STPG2: variants seen among roughly 807,000 people sequenced by gnomAD.
STPG2 encodes sperm tail PG-rich repeat containing 2.
Under a neutral mutation model 54.2 loss-of-function variants are expected in STPG2, and 56 were observed. The observed-to-expected ratio is 1.03, with a 90% confidence interval of 0.83 to 1.29. STPG2 has a LOEUF of 1.29. Ranked by LOEUF, STPG2 falls within the 50% of genes most tolerant of loss-of-function variation. The pLI is 0.00. For synonymous variants in STPG2, 200 were observed against 181.8 expected (o/e 1.10, Z -0.81); for missense variants, 596 against 544.9 (o/e 1.09, Z -0.93).
chr4:97,707,203 T>C lies in STPG2; in HGVS notation c.1320+5496A>G, dbSNP rs568877060. Among the ~76,000 whole-genome samples, 7 of 152,220 alleles carry C rather than the reference T, an allele frequency of 4.6e-5. No homozygotes were observed. The South Asian group carries it at 1.5e-3, about 32-fold the overall frequency. Reference sequence around the variant, plus strand: ...GATAGGACCATGTGGAAATGATAAGTAAAATGTCTGAAGGCATTAACTAAA... The same window carrying C: ...GATAGGACCATGTGGAAATGATAAGCAAAATGTCTGAAGGCATTAACTAAA... On this transcript the variant is annotated intron_variant, in intron 10 of 10. Transcript: ENST00000295268.
At chr4:97,481,507 G>C (rs888835898) in intron 4 of STPG2, among the ~76,000 whole-genome samples, 29 of 151,314 alleles carry the variant, frequency 1.9e-4, no homozygotes, top group Non-Finnish European at 3.9e-4. Context: ...AGATTTATTA[G>C]GAATGTTAAA....
At chr4:97,929,730 T>C (rs894544703) in intron 8 of STPG2, among the ~76,000 whole-genome samples, 3 of 152,202 alleles carry the variant, frequency 2.0e-5, no homozygotes, top group African/African-American at 4.8e-5. Flanking sequence ...GGTTTTGTTT[T>C]ACTCTTGTAA....
At position 97,972,456 on chromosome 4, in the gene STPG2, G is replaced by T. The variant is rs745526590; in HGVS notation, c.773-16C>A. ...AATCCAGGACCTAAAATTATTAGAA[G>T]TATCATATATAAGAATAAGCATGCT... On this transcript the variant is annotated splice_polypyrimidine_tract_variant and intron_variant, in intron 6 of 10. Transcript: ENST00000295268. 9 of 1,417,158 alleles carry T rather than the reference G, an allele frequency of 6.4e-6. No homozygotes were observed. In the South Asian group the frequency reaches 1.2e-4, roughly 19 times the overall value. The allele number at this position is 1,417,158 out of a possible 1,614,324, so 87.8% of individuals were successfully genotyped here.
At chr4:97,541,719 T>G (rs1169509368) in intron 4 of STPG2, among the ~76,000 whole-genome samples, 1 of 152,136 alleles carries the variant, frequency 6.6e-6, no homozygotes, top group African/African-American at 2.4e-5. Flanking sequence ...GACTTCAAAC[T>G]ATACTACAAG....
chr4:97,828,644 C>A (rs1424578338), intron 9 of STPG2, among the ~76,000 whole-genome samples: 15 of 152,086 alleles, frequency 9.9e-5, no homozygotes, highest in African/African-American at 2.9e-4. Flanking sequence ...GATCCACTAG[C>A]CTGAAATTTT....
At chr4:97,508,438 A>G (rs2148838637) in intron 4 of STPG2, among the ~76,000 whole-genome samples, 1 of 152,208 alleles carries the variant, frequency 6.6e-6, no homozygotes, top group South Asian at 2.1e-4. Flanking sequence ...ATAGAAATCA[A>G]TCAATAAAAA....
At position 97,991,375 on chromosome 4, in the gene STPG2, ATG is replaced by A. The variant is rs1238489731; in HGVS notation, c.613-10059_613-10058del. On this transcript the variant is annotated intron_variant, in intron 5 of 10. Coordinates refer to ENST00000295268, the MANE Select transcript of STPG2 (RefSeq NM_174952.3). The stretch of plus-strand genomic sequence containing the variant: ...ATATGTGTGTGTGGTGTATATATAT[ATG>A]TATATATATGTGTATATATATGTGT... Among the ~76,000 whole-genome samples the A allele has an allele frequency of 1.1e-4, 16 of 150,556 alleles. No individual in the cohort carries two copies. The South Asian group carries it at 2.3e-3, about 22-fold the overall frequency.
At chr4:98,027,342 A>G (rs1369011952) in intron 5 of STPG2, among the ~76,000 whole-genome samples, 1 of 152,208 alleles carries the variant, frequency 6.6e-6, no homozygotes, top group Non-Finnish European at 1.5e-5. Context: ...AGATTCATTC[A>G]TCTCACATTC....
intron 10 of STPG2, among the ~76,000 whole-genome samples, chr4:97,567,390 G>T (rs575472765): frequency 4.7e-5 from 7 of 150,062 alleles, no homozygotes; most frequent in African/African-American, 1.2e-4. Context: ...GTGCAATCCC[G>T]AAATAGAGGA....
In STPG2 at chr4:98,109,189, T is replaced by C; in HGVS notation, c.500+4A>G. The C allele has an allele frequency of 6.6e-7, 1 of 1,522,968 alleles. No homozygotes were observed. The highest frequency in any genetic ancestry group is 8.9e-7 in the Non-Finnish European group (1 of 1,122,044). The allele number at this position is 1,522,968 out of a possible 1,614,324, so 94.3% of individuals were successfully genotyped here. A position where few individuals can be genotyped will look rare whatever the true frequency, so the allele number is the denominator to read the frequency against. On this transcript the variant is annotated splice_donor_region_variant and intron_variant, in intron 4 of 10. Transcript: ENST00000295268. The stretch of plus-strand genomic sequence containing the variant: ...TTAAAGGTATACTATATTTTTTTAC[T>C]TACTGGACTATATCATACTGTCCTG...
chr4:98,003,482 G>C (rs1735477360), intron 5 of STPG2, among the ~76,000 whole-genome samples: 2 of 151,924 alleles, frequency 1.3e-5, no homozygotes, highest in South Asian at 4.1e-4. Flanking sequence ...ATTAGAGTTT[G>C]ATTGTTTTAA....
chr4:97,972,941 T>C (rs759413000), intron 6 of STPG2, among the ~76,000 whole-genome samples: 25 of 152,260 alleles, frequency 1.6e-4, no homozygotes, highest in Middle Eastern at 3.4e-3. Flanking sequence ...CTTTTGCAAA[T>C]TGCCCACTCT....
At chr4:97,967,574 T>C (rs1254824483) in intron 7 of STPG2, among the ~76,000 whole-genome samples, 2 of 152,064 alleles carry the variant, frequency 1.3e-5, no homozygotes, top group African/African-American at 2.4e-5. Flanking sequence ...AGCACCACAC[T>C]GCACCTATTC....
intron 5 of STPG2, among the ~76,000 whole-genome samples, chr4:98,016,980 T>C (rs1386621706): frequency 6.6e-6 from 1 of 152,118 alleles, no homozygotes; most frequent in Non-Finnish European, 1.5e-5. Flanking sequence ...ACAGGTCAGG[T>C]AGGCTTACTG....
intron 8 of STPG2, among the ~76,000 whole-genome samples, chr4:97,858,998 G>T (rs1729421141): frequency 1.3e-5 from 2 of 152,126 alleles, no homozygotes; most frequent in Admixed American, 6.5e-5. Flanking sequence ...GTTTGTACTA[G>T]TTTACATTCC....
At chr4:98,071,656 A>G (rs1738006407) in intron 5 of STPG2, among the ~76,000 whole-genome samples, 1 of 152,182 alleles carries the variant, frequency 6.6e-6, no homozygotes. Flanking sequence ...AAATTTTGCA[A>G]TATATCGATC....
chr4:97,743,892 AG>A (rs1324181102), intron 9 of STPG2, among the ~76,000 whole-genome samples: 1 of 151,604 alleles, frequency 6.6e-6, no homozygotes, highest in Non-Finnish European at 1.5e-5. Context: ...AAGTATTCAT[AG>A]GTGAAAGAAA....
At chr4:97,871,289 AG>A (rs1729979179) in intron 8 of STPG2, among the ~76,000 whole-genome samples, 1 of 151,120 alleles carries the variant, frequency 6.6e-6, no homozygotes. Flanking sequence ...ATAAAGAAAA[AG>A]GGCAGGAATT....
At chr4:97,729,845 T>C (rs59680956) in intron 9 of STPG2, among the ~76,000 whole-genome samples, 4 of 151,604 alleles carry the variant, frequency 2.6e-5, no homozygotes, top group Non-Finnish European at 2.9e-5. Flanking sequence ...TTCCTGCTAT[T>C]GTAAATGGGA....
Sources: gnomAD v4.1 joint callset for allele counts (sites outside exome capture counted in the v4.1 genomes callset) on GRCh38, gnomAD v4.1.1 for gene constraint, MANE v1.5 for transcripts, NCBI Gene and HGNC (gene_info 2026-07-23, HGNC 2026-07-21) for gene names.